Variants in NEDD4L observed in about 807,000 individuals in gnomAD.
NEDD4L encodes NEDD4 like E3 ubiquitin protein ligase.
Under a neutral mutation model 148.9 loss-of-function variants are expected in NEDD4L, and 54 were observed. The observed-to-expected ratio is 0.36, with a 90% CI of 0.29 to 0.45. The LOEUF (loss-of-function observed/expected upper bound fraction) is 0.45, where lower values mean the gene tolerates loss of function less well. Ranked by LOEUF, NEDD4L falls within the 20% of genes least tolerant of loss-of-function variation. The pLI, the probability that NEDD4L is intolerant of heterozygous loss-of-function variation, is 1.00. For missense variants in NEDD4L, 856 were observed against 1,233.8 expected, an observed-to-expected ratio of 0.69 and a Z score of 4.59; for synonymous variants, 433 against 440.7, an observed-to-expected ratio of 0.98 and a Z score of 0.22.
intron 27 of NEDD4L, chr18:58,387,796 C>A (rs1437671778): frequency 7.8e-6 from 2 of 255,702 alleles, no homozygotes; most frequent in Non-Finnish European, 1.5e-5. Context: ...CTGAGCAGAG[C>A]TGGGATCATG....
At chr18:58,145,426 A>C (rs1474878688) in intron 1 of NEDD4L, among the ~76,000 whole-genome samples, 1 of 152,218 alleles carries the variant, frequency 6.6e-6, no homozygotes, top group Non-Finnish European at 1.5e-5. Flanking sequence ...ACAGCTCCAC[A>C]TAATTTTTCT....
intron 1 of NEDD4L, among the ~76,000 whole-genome samples, chr18:58,049,839 T>C (rs2081775349): frequency 6.6e-6 from 1 of 151,608 alleles, no homozygotes; most frequent in African/African-American, 2.4e-5. Context: ...TAGCCAAACA[T>C]GGCGGCACGT....
At chr18:58,163,375 A>G (rs1435383488) in intron 1 of NEDD4L, among the ~76,000 whole-genome samples, 1 of 152,232 alleles carries the variant, frequency 6.6e-6, no homozygotes, top group Admixed American at 6.5e-5. Flanking sequence ...ATCCTGTGCT[A>G]AAGAAAGAAC....
intron 1 of NEDD4L, among the ~76,000 whole-genome samples, chr18:58,109,468 C>T (rs563352256): frequency 6.6e-6 from 1 of 152,084 alleles, no homozygotes; most frequent in South Asian, 2.1e-4. Context: ...TGGAAAATAG[C>T]AGCTCAGGAA....
intron 2 of NEDD4L, among the ~76,000 whole-genome samples, chr18:58,234,102 T>TTTCTTTCTTTC (rs1158163084): frequency 0.012 from 905 of 76,828 alleles, 6 homozygotes; most frequent in East Asian, 0.023. Flanking sequence ...TCTTTCTTTC[T>TTTCTTTCTTTC]TTTCTTTTCT....
intron 2 of NEDD4L, among the ~76,000 whole-genome samples, chr18:58,187,607 C>G (rs912870231): frequency 1.3e-5 from 2 of 152,062 alleles, no homozygotes; most frequent in Non-Finnish European, 2.9e-5. Context: ...CTTCTCTTCA[C>G]ATGGTATTGA....
intron 1 of NEDD4L, among the ~76,000 whole-genome samples, chr18:58,095,209 A>C (rs1238301582): frequency 6.6e-6 from 1 of 152,166 alleles, no homozygotes; most frequent in Non-Finnish European, 1.5e-5. Flanking sequence ...TGGGCTGCTT[A>C]GTATTTATTG....
At chr18:58,333,197 G>C (rs1305432932) in intron 11 of NEDD4L, among the ~76,000 whole-genome samples, 1 of 151,422 alleles carries the variant, frequency 6.6e-6, no homozygotes, top group African/African-American at 2.4e-5. Flanking sequence ...AGAATCACTG[G>C]AACCTGGGAG....
At chr18:58,112,291 GT>G (rs2085467238) in intron 1 of NEDD4L, among the ~76,000 whole-genome samples, 1 of 152,048 alleles carries the variant, frequency 6.6e-6, no homozygotes, top group African/African-American at 2.4e-5. Flanking sequence ...TGCCAATCTT[GT>G]TTTAGACCAA....
intron 5 of NEDD4L, among the ~76,000 whole-genome samples, chr18:58,265,111 CAAGA>C (rs2050036660): frequency 6.6e-6 from 1 of 151,590 alleles, no homozygotes; most frequent in South Asian, 2.1e-4. Flanking sequence ...CATGGAGGGG[CAAGA>C]CTGGAACTAG....
intron 18 of NEDD4L, among the ~76,000 whole-genome samples, chr18:58,351,703 ATCATATT>A (rs1336922224): frequency 6.6e-6 from 1 of 152,200 alleles, no homozygotes; most frequent in East Asian, 1.9e-4. Flanking sequence ...TCTTCATGGA[ATCATATT>A]TCTATGTCCC....
At chr18:58,385,718 A>G (rs2048923998) in intron 26 of NEDD4L, 132 bp downstream of exon 26, 1 of 728,612 alleles carries the variant, frequency 1.4e-6, no homozygotes, top group Admixed American at 2.1e-5. Flanking sequence ...CTGCAGGAAG[A>G]CCGGGATCGC....
chr18:58,075,946 T>C (rs2083134065), intron 1 of NEDD4L, among the ~76,000 whole-genome samples: 1 of 152,154 alleles, frequency 6.6e-6, no homozygotes, highest in Non-Finnish European at 1.5e-5. Flanking sequence ...CTGGAGATCA[T>C]GTTATTTTCT....
chr18:58,212,535 C>T (rs780938144), intron 2 of NEDD4L, among the ~76,000 whole-genome samples: 7 of 152,172 alleles, frequency 4.6e-5, no homozygotes, highest in Non-Finnish European at 1.0e-4. Flanking sequence ...ATCTGTGATT[C>T]AGTTACCTCC....
intron 25 of NEDD4L, among the ~76,000 whole-genome samples, chr18:58,384,814 C>T (rs1568928863): frequency 6.6e-6 from 1 of 152,156 alleles, no homozygotes; most frequent in Non-Finnish European, 1.5e-5. Flanking sequence ...TTACAGTGTA[C>T]CACCCCGAAG....
chr18:58,154,521 C>A (rs2035209795), intron 1 of NEDD4L, among the ~76,000 whole-genome samples: 1 of 152,168 alleles, frequency 6.6e-6, no homozygotes, highest in Admixed American at 6.5e-5. Context: ...TGTGATGGCT[C>A]ACACCCACAC....
intron 1 of NEDD4L, among the ~76,000 whole-genome samples, chr18:58,147,678 A>G (rs950244002): frequency 1.2e-4 from 19 of 152,156 alleles, no homozygotes; most frequent in Admixed American, 6.5e-4. Context: ...CAGTTTGCAT[A>G]TGGTGAGGAG....
chr18:58,301,997 CT>C (rs1203609436), intron 5 of NEDD4L, among the ~76,000 whole-genome samples: 1 of 152,170 alleles, frequency 6.6e-6, no homozygotes, highest in African/African-American at 2.4e-5. Flanking sequence ...GGGGGATTCA[CT>C]AAGAACTTCA....
chr18:58,127,840 CAAAAAA>C (rs113559692), intron 1 of NEDD4L, among the ~76,000 whole-genome samples: 1 of 114,132 alleles, frequency 8.8e-6, no homozygotes, highest in African/African-American at 3.3e-5. Context: ...GACTCCGTCT[CAAAAAA>C]AAAAAAAAAA....
Sources: gnomAD v4.1 joint callset for allele counts (sites outside exome capture counted in the v4.1 genomes callset) on GRCh38, gnomAD v4.1.1 for gene constraint, MANE v1.5 for transcripts, NCBI Gene and HGNC (gene_info 2026-07-23, HGNC 2026-07-21) for gene names.